Variants in RARB observed in about 807,000 individuals in gnomAD.
RARB encodes the protein HBV-activated protein.
A neutral mutation model predicts 51.9 loss-of-function variants in RARB; 17 were observed. The observed-to-expected ratio is 0.33, with a 90% CI of 0.22 to 0.49. RARB has a LOEUF of 0.49. RARB is among the 20% of genes least tolerant of loss of function. The pLI is 0.99. For synonymous variants in RARB, 215 were observed against 195.4 expected (o/e 1.10, Z -0.84); for missense variants, 369 against 550.8 (o/e 0.67, Z 3.30).
intron 5 of RARB, chr3:25,174,582 C>G: frequency 1.5e-6 from 2 of 1,351,998 alleles, no homozygotes; most frequent in Non-Finnish European, 2.0e-6. Flanking sequence ...GCAAGTAAGT[C>G]CTGCTGGAAT....
intron 4 of RARB, among the ~76,000 whole-genome samples, chr3:25,164,099 G>C (rs149782551): frequency 6.6e-6 from 1 of 152,234 alleles, no homozygotes; most frequent in African/African-American, 2.4e-5. Flanking sequence ...TAAAAAAAAT[G>C]CAGCTCCCAG....
In RARB at chr3:25,444,301, C is replaced by T. The variant is rs116026772; in HGVS notation, c.157+15413C>T. Among the ~76,000 whole-genome samples the T allele has an allele frequency of 2.6e-3, 389 of 152,140 alleles. 2 individuals are homozygous for T. The highest frequency in any genetic ancestry group is 8.8e-3 in the African/African-American group (364 of 41,506). ...ATGTAGGGTTCCTTTTCTTTGCCAA[C>T]GATATAAATTTCTATTTTGTTTGCA... On this transcript the variant is annotated intron_variant, in intron 1 of 7. Coordinates refer to ENST00000330688, the MANE Select transcript of RARB (RefSeq NM_000965.5).
intron 5 of RARB, among the ~76,000 whole-genome samples, chr3:25,396,903 T>A (rs1488842163): frequency 1.3e-5 from 2 of 152,022 alleles, no homozygotes; most frequent in Non-Finnish European, 2.9e-5. Flanking sequence ...CAGCACCCAG[T>A]GTATATCTAG....
chr3:25,128,614 C>A (rs1336352626), intron 3 of RARB, among the ~76,000 whole-genome samples: 1 of 151,028 alleles, frequency 6.6e-6, no homozygotes, highest in East Asian at 1.9e-4. Flanking sequence ...TACATTTTAC[C>A]TTTGTGAGTG....
At chr3:24,837,001 G>A (rs919122055) in intron 1 of RARB, among the ~76,000 whole-genome samples, 1 of 152,170 alleles carries the variant, frequency 6.6e-6, no homozygotes, top group Non-Finnish European at 1.5e-5. Context: ...TGGGGCTGAC[G>A]TTCTGTTGGG....
At chr3:25,002,503 G>A (rs1575113748) in intron 2 of RARB, among the ~76,000 whole-genome samples, 1 of 152,128 alleles carries the variant, frequency 6.6e-6, no homozygotes, top group South Asian at 2.1e-4. Context: ...GCTAGGTTTA[G>A]AATGCATCCA....
At chr3:25,067,515 T>C (rs931861000) in intron 3 of RARB, among the ~76,000 whole-genome samples, 1 of 152,192 alleles carries the variant, frequency 6.6e-6, no homozygotes, top group African/African-American at 2.4e-5. Flanking sequence ...TTTTATCACA[T>C]TTTAATGTTT....
intron 3 of RARB, among the ~76,000 whole-genome samples, chr3:25,556,688 G>A (rs757396165): frequency 2.6e-5 from 4 of 152,132 alleles, no homozygotes; most frequent in Non-Finnish European, 5.9e-5. Flanking sequence ...GACCACATGG[G>A]GCTGCTGTAA....
intron 2 of RARB, among the ~76,000 whole-genome samples, chr3:24,911,581 G>C (rs1694989697): frequency 6.6e-6 from 1 of 152,160 alleles, no homozygotes; most frequent in South Asian, 2.1e-4. Context: ...TTAAGTGGTA[G>C]TGTCTTAACA....
At chr3:25,432,527 G>A (rs932196833) in intron 1 of RARB, among the ~76,000 whole-genome samples, 13 of 152,120 alleles carry the variant, frequency 8.5e-5, no homozygotes, top group African/African-American at 3.1e-4. Flanking sequence ...TGAATCAGAA[G>A]TTTCCTTCTC....
At chr3:25,361,117 A>G (rs1454814355) in intron 5 of RARB, among the ~76,000 whole-genome samples, 1 of 152,210 alleles carries the variant, frequency 6.6e-6, no homozygotes, top group Admixed American at 6.5e-5. Context: ...AGGTACACCA[A>G]TCAAACGTAG....
At chr3:25,226,798 A>G (rs1183883030) in intron 5 of RARB, among the ~76,000 whole-genome samples, 1 of 152,176 alleles carries the variant, frequency 6.6e-6, no homozygotes, top group African/African-American at 2.4e-5. Flanking sequence ...ATAGATCAAG[A>G]TATGACAGGC....
chr3:25,556,821 G>A lies in RARB; in HGVS notation c.449-12937G>A, dbSNP rs147024673. Among the ~76,000 whole-genome samples the A allele has an allele frequency of 1.5e-3, 234 of 152,334 alleles. 3 individuals carry two copies. The highest frequency in any genetic ancestry group is 0.012 in the East Asian group (63 of 5,182). ...GTCCTTACAGCTGAGGGAGATGCAA[G>A]AGAAGTCTGGGTCACACACCACAGC... On this transcript the variant is annotated intron_variant, in intron 3 of 7. Coordinates refer to ENST00000330688, the MANE Select transcript of RARB (RefSeq NM_000965.5).
At chr3:25,454,799 TTC>T (rs1316434675) in intron 1 of RARB, among the ~76,000 whole-genome samples, 10 of 152,266 alleles carry the variant, frequency 6.6e-5, no homozygotes, top group Non-Finnish European at 1.2e-4. Context: ...GTCGAAGACT[TTC>T]TGTGTGTTTA....
At chr3:25,048,875 C>T (rs951286863) in intron 2 of RARB, among the ~76,000 whole-genome samples, 2 of 151,056 alleles carry the variant, frequency 1.3e-5, no homozygotes, top group Admixed American at 6.6e-5. Flanking sequence ...CCTGCCTCAG[C>T]CTCCCCAGTA....
intron 5 of RARB, among the ~76,000 whole-genome samples, chr3:25,363,974 C>T (rs147125873): frequency 6.6e-6 from 1 of 152,180 alleles, no homozygotes; most frequent in African/African-American, 2.4e-5. Flanking sequence ...CTTCCTTCCA[C>T]TCATTGCTCA....
chr3:25,115,617 CCTTTTTCTTTTTTTTCCTTT>C (rs1699672990), intron 3 of RARB, among the ~76,000 whole-genome samples: 1 of 150,654 alleles, frequency 6.6e-6, no homozygotes, highest in South Asian at 2.1e-4. Context: ...TCTTTCTCTT[CCTTTTTCTTTTTTTTCCTTT>C]CTTTTTCTTT....
At position 25,573,517 on chromosome 3, in the gene RARB, G is replaced by A. The variant is rs116610204; in HGVS notation, c.609+3599G>A. Among the ~76,000 whole-genome samples the A allele has an allele frequency of 2.9e-3, 447 of 152,342 alleles. 2 individuals carry two copies. The highest frequency in any genetic ancestry group is 0.01 in the African/African-American group (420 of 41,578). On this transcript the variant is annotated intron_variant, in intron 4 of 7. Coordinates refer to ENST00000330688, the MANE Select transcript of RARB (RefSeq NM_000965.5). ...CCCACCGCGGGGTGGAGGGCGCTCT[G>A]AGCCAGTCTCGCAGCTGACCGTGCT...
chr3:25,299,376 A>G (rs1703988073), intron 5 of RARB, among the ~76,000 whole-genome samples: 4 of 152,006 alleles, frequency 2.6e-5, no homozygotes, highest in Admixed American at 2.6e-4. Context: ...TTTTGTATTT[A>G]TTTTGTAGAG....
Sources: gnomAD v4.1 joint callset for allele counts (sites outside exome capture counted in the v4.1 genomes callset) on GRCh38, gnomAD v4.1.1 for gene constraint, MANE v1.5 for transcripts, NCBI Gene and HGNC (gene_info 2026-07-23, HGNC 2026-07-21) for gene names.